LRCH1: variants seen among roughly 807,000 people sequenced by gnomAD.
LRCH1 encodes the protein leucine rich repeats and calponin homology domain containing 1.
LRCH1 carries 23 observed loss-of-function variants against 94.9 expected under a neutral mutation model. The observed-to-expected ratio is 0.24, with a 90% CI of 0.17 to 0.34. The LOEUF is 0.34. Ranked by LOEUF, LRCH1 falls within the 10% of genes least tolerant of loss-of-function variation. LRCH1 has a pLI of 1.00. For synonymous variants in LRCH1, 364 were observed against 354.9 expected (o/e 1.03, Z -0.29); for missense variants, 790 against 945.9 (o/e 0.84, Z 2.16).
chr13:46,669,167 G>T lies in LRCH1; in HGVS notation c.579+11G>T. 6.2e-7 allele frequency: 1 copy of T among 1,612,222 alleles called. No individual in the cohort carries two copies. On this transcript the variant is annotated intron_variant, in intron 3 of 19. Coordinates refer to ENST00000389797, the MANE Select transcript of LRCH1 (RefSeq NM_001164211.2). ...CAGTTAATGGAGCTGGTATGTTACC[G>T]ATTTTTAAGATGCTCTTTTTTGTTG...
chr13:46,594,174 CATTT>C (rs536434734), intron 1 of LRCH1, among the ~76,000 whole-genome samples: 310 of 151,194 alleles, frequency 2.1e-3, no homozygotes, highest in African/African-American at 7.4e-3. Flanking sequence ...CAAGTCAAGA[CATTT>C]ATTGTCTTTC....
At chr13:46,622,502 C>T (rs1289129672) in intron 1 of LRCH1, among the ~76,000 whole-genome samples, 1 of 152,118 alleles carries the variant, frequency 6.6e-6, no homozygotes, top group African/African-American at 2.4e-5. Context: ...CATTAACTTG[C>T]AGAAAGTGGT....
At chr13:46,615,304 G>A (rs767651817) in intron 1 of LRCH1, among the ~76,000 whole-genome samples, 5 of 152,192 alleles carry the variant, frequency 3.3e-5, no homozygotes, top group Non-Finnish European at 7.3e-5. Flanking sequence ...GACACACGGC[G>A]AAAGAGGGAG....
chr13:46,725,411 T>G (rs1055035092), intron 17 of LRCH1, among the ~76,000 whole-genome samples: 28 of 152,228 alleles, frequency 1.8e-4, no homozygotes, highest in African/African-American at 6.8e-4. Context: ...TTAAATCTTC[T>G]TTCATCAGCA....
intron 18 of LRCH1, among the ~76,000 whole-genome samples, chr13:46,731,284 C>CAGGA (rs1225508030): frequency 2.0e-5 from 3 of 152,136 alleles, no homozygotes; most frequent in Admixed American, 2.0e-4. Context: ...GTCGCCCAGG[C>CAGGA]AGGAGTGCAG....
At chr13:46,701,024 T>C (rs1041081766) in intron 10 of LRCH1, 97 bp from the exon 11 acceptor site, 5 of 749,352 alleles carry the variant, frequency 6.7e-6, no homozygotes, top group African/African-American at 5.3e-5. Flanking sequence ...CATTTTCATA[T>C]GTTAGATGGA....
At chr13:46,557,818 C>G (rs1417558611) in intron 1 of LRCH1, among the ~76,000 whole-genome samples, 5 of 152,032 alleles carry the variant, frequency 3.3e-5, no homozygotes, top group African/African-American at 1.2e-4. Context: ...GAGGTCGCAC[C>G]ACTGCATGCC....
At chr13:46,674,075 C>T (rs1199445758) in intron 3 of LRCH1, among the ~76,000 whole-genome samples, 1 of 152,152 alleles carries the variant, frequency 6.6e-6, no homozygotes, top group African/African-American at 2.4e-5. Context: ...AGCCACCATG[C>T]TTGGTCAGAA....
At chr13:46,689,269 C>G in intron 7 of LRCH1, 73 bp downstream of exon 7, 1 of 1,097,276 alleles carries the variant, frequency 9.1e-7, no homozygotes, top group Non-Finnish European at 1.4e-6. Context: ...GAACTCCTTT[C>G]TGTTAAAGGG....
At chr13:46,598,851 T>G (rs1026159526) in intron 1 of LRCH1, among the ~76,000 whole-genome samples, 5 of 152,206 alleles carry the variant, frequency 3.3e-5, no homozygotes, top group Non-Finnish European at 1.5e-5. Flanking sequence ...TATATATTTT[T>G]TATAATTGCA....
At chr13:46,644,784 A>G (rs563084407) in intron 1 of LRCH1, among the ~76,000 whole-genome samples, 1 of 152,368 alleles carries the variant, frequency 6.6e-6, no homozygotes, top group African/African-American at 2.4e-5. Flanking sequence ...TTGTTACCTT[A>G]TAACTTTATG....
At chr13:46,580,509 C>G (rs1241265837) in intron 1 of LRCH1, among the ~76,000 whole-genome samples, 1 of 152,222 alleles carries the variant, frequency 6.6e-6, no homozygotes, top group Non-Finnish European at 1.5e-5. Context: ...ATGCTGCTTT[C>G]TGCTCCAACA....
chr13:46,561,656 C>T (rs960857893), intron 1 of LRCH1, among the ~76,000 whole-genome samples: 3 of 152,212 alleles, frequency 2.0e-5, no homozygotes, highest in Admixed American at 1.3e-4. Flanking sequence ...ACTACTTTAT[C>T]TCTGCAGGCA....
At chr13:46,576,168 CT>C (rs2050302268) in intron 1 of LRCH1, among the ~76,000 whole-genome samples, 1 of 152,128 alleles carries the variant, frequency 6.6e-6, no homozygotes, top group Non-Finnish European at 1.5e-5. Context: ...TGCCGTGAGC[CT>C]TTTGTTCATG....
At chr13:46,677,428 T>TCAAAA (rs934448235) in intron 3 of LRCH1, among the ~76,000 whole-genome samples, 2 of 152,240 alleles carry the variant, frequency 1.3e-5, no homozygotes, top group East Asian at 1.9e-4. Context: ...AGACAATGTC[T>TCAAAA]CAAAACAAAA....
intron 1 of LRCH1, among the ~76,000 whole-genome samples, chr13:46,607,408 G>T (rs962995635): frequency 2.6e-5 from 4 of 152,138 alleles, no homozygotes; most frequent in Non-Finnish European, 5.9e-5. Flanking sequence ...TGAGGTTTAG[G>T]CTGAATTTTT....
intron 1 of LRCH1, among the ~76,000 whole-genome samples, chr13:46,617,165 T>C (rs1465098585): frequency 6.6e-6 from 1 of 152,204 alleles, no homozygotes; most frequent in Non-Finnish European, 1.5e-5. Flanking sequence ...TCAGATAGCC[T>C]GTGTCAGGTC....
chr13:46,577,057 G>T (rs955793034), intron 1 of LRCH1, among the ~76,000 whole-genome samples: 1 of 152,094 alleles, frequency 6.6e-6, no homozygotes, highest in Non-Finnish European at 1.5e-5. Flanking sequence ...AGCAGGAAAA[G>T]GTCTCTGACT....
rs1209271261 is a variant in LRCH1 at position 46,689,214 on chromosome 13, A to T, written c.1014+18A>T. On this transcript the variant is annotated intron_variant, in intron 7 of 19. Transcript: ENST00000389797. ...CCACCGAGGTAAAGTTAGTGATCAG[A>T]TTCTTTTCCTTCTGTACTTCTAGAC... 1.2e-6 allele frequency: 2 copies of T among 1,603,074 alleles called. No homozygotes were observed. The highest frequency in any genetic ancestry group is 1.7e-6 in the Non-Finnish European group (2 of 1,171,332).
Sources: allele counts gnomAD v4.1 joint callset (sites outside exome capture counted in the v4.1 genomes callset), GRCh38; gene constraint gnomAD v4.1.1; transcripts MANE v1.5; gene names NCBI Gene and HGNC (gene_info 2026-07-23, HGNC 2026-07-21).